STK32B: variants seen among roughly 807,000 people sequenced by gnomAD.
STK32B encodes serine/threonine-protein kinase 32B.
A neutral mutation model predicts 52.6 loss-of-function variants in STK32B; 43 were observed. The observed-to-expected ratio is 0.82, with a 90% CI of 0.64 to 1.05. The LOEUF is 1.05. STK32B is among the 50% of genes least tolerant of loss of function. STK32B has a pLI of 0.00. For missense variants in STK32B, 621 were observed against 534.6 expected, an observed-to-expected ratio of 1.16 and a Z score of -1.59; for synonymous variants, 238 against 204.3, an observed-to-expected ratio of 1.17 and a Z score of -1.41.
At chr4:5,477,070 G>C (rs58088181) in intron 11 of STK32B, among the ~76,000 whole-genome samples, 116 of 152,236 alleles carry the variant, frequency 7.6e-4, no homozygotes, top group African/African-American at 2.7e-3. Context: ...CCAAGTTTGC[G>C]GAAATTTGCT....
chr4:5,350,947 G>T (rs1012495301), intron 4 of STK32B, among the ~76,000 whole-genome samples: 2 of 152,074 alleles, frequency 1.3e-5, no homozygotes, highest in East Asian at 1.9e-4. Flanking sequence ...ACCCAATGGT[G>T]GAGCACCCAG....
chr4:5,317,243 A>ATG (rs1731080597), intron 3 of STK32B, among the ~76,000 whole-genome samples: 1 of 47,416 alleles, frequency 2.1e-5, no homozygotes, highest in Non-Finnish European at 2.9e-5. Flanking sequence ...ACATATATAT[A>ATG]TTATATATAA....
chr4:5,314,584 C>T (rs1254733802), intron 3 of STK32B, among the ~76,000 whole-genome samples: 1 of 152,132 alleles, frequency 6.6e-6, no homozygotes, highest in Non-Finnish European at 1.5e-5. Flanking sequence ...GCAGGAGAAT[C>T]ACTTGAACCC....
At chr4:5,478,471 C>T (rs1057476274) in intron 11 of STK32B, among the ~76,000 whole-genome samples, 2 of 152,172 alleles carry the variant, frequency 1.3e-5, no homozygotes, top group African/African-American at 4.8e-5. Context: ...AACTTTAATG[C>T]TTCTGGCCAA....
intron 3 of STK32B, among the ~76,000 whole-genome samples, chr4:5,175,160 T>C (rs139492007): frequency 0.012 from 1,787 of 152,324 alleles, 34 homozygotes; most frequent in African/African-American, 0.04. Context: ...ATCAGGTCCT[T>C]TAAGGACTTC....
intron 3 of STK32B, among the ~76,000 whole-genome samples, chr4:5,257,243 ATGAT>A (rs771344438): frequency 3.2e-4 from 39 of 121,384 alleles, no homozygotes; most frequent in East Asian, 2.4e-3. Context: ...GAATGAGTGA[ATGAT>A]TGAGTGAATG....
intron 3 of STK32B, among the ~76,000 whole-genome samples, chr4:5,327,245 T>A (rs1019291257): frequency 1.3e-5 from 2 of 151,378 alleles, no homozygotes; most frequent in Non-Finnish European, 2.9e-5. Flanking sequence ...AGAATCCACT[T>A]CTTCCAAACT....
chr4:5,331,864 C>G (rs185475433), intron 4 of STK32B, among the ~76,000 whole-genome samples: 32 of 152,326 alleles, frequency 2.1e-4, no homozygotes, highest in South Asian at 8.3e-4. Flanking sequence ...TTTCTGTAGC[C>G]TCCTCAGGGA....
intron 3 of STK32B, among the ~76,000 whole-genome samples, chr4:5,206,735 A>G (rs2108781345): frequency 6.6e-6 from 1 of 152,312 alleles, no homozygotes; most frequent in East Asian, 1.9e-4. Context: ...GTGAGACAGC[A>G]TCTGCCAGAA....
At chr4:5,203,901 A>G (rs552918858) in intron 3 of STK32B, among the ~76,000 whole-genome samples, 1 of 152,324 alleles carries the variant, frequency 6.6e-6, no homozygotes, top group Admixed American at 6.5e-5. Flanking sequence ...AGGTGGCCCC[A>G]TAGCCAGTGA....
At chr4:5,043,063 G>A in the STK32B span, among the ~76,000 whole-genome samples, 6 of 141,582 alleles carry the variant, frequency 4.2e-5, no homozygotes, top group South Asian at 1.1e-3. Context: ...CCGAGATTGC[G>A]CCACTGCAGT....
At chr4:5,308,254 C>T (rs925472193) in intron 3 of STK32B, among the ~76,000 whole-genome samples, 7 of 152,148 alleles carry the variant, frequency 4.6e-5, no homozygotes, top group Admixed American at 1.3e-4. Flanking sequence ...AGCATCAGTC[C>T]ACTTCCTTGA....
At chr4:5,138,291 C>T (rs1357972619) in intron 1 of STK32B, among the ~76,000 whole-genome samples, 1 of 152,200 alleles carries the variant, frequency 6.6e-6, no homozygotes, top group Non-Finnish European at 1.5e-5. Flanking sequence ...CATAATTATC[C>T]TCCATTGCAT....
intron 2 of STK32B, among the ~76,000 whole-genome samples, chr4:5,167,224 G>A (rs61070762): frequency 0.24 from 36,572 of 151,972 alleles, 4,583 homozygotes; most frequent in East Asian, 0.29. Context: ...TAAGGCAGTC[G>A]CTCAGAAGTC....
intron 3 of STK32B, among the ~76,000 whole-genome samples, chr4:5,240,887 A>G (rs1040873564): frequency 9.9e-5 from 15 of 152,262 alleles, no homozygotes; most frequent in African/African-American, 3.6e-4. Context: ...TGAGCTCACT[A>G]ATCTTTTTAT....
At chr4:5,371,756 T>G (rs115462225) in intron 4 of STK32B, among the ~76,000 whole-genome samples, 1 of 152,256 alleles carries the variant, frequency 6.6e-6, no homozygotes, top group Non-Finnish European at 1.5e-5. Context: ...TAATAAACAG[T>G]GCATCTGTGA....
At chr4:5,031,172 CTTTA>C in the STK32B span, among the ~76,000 whole-genome samples, 9 of 152,078 alleles carry the variant, frequency 5.9e-5, no homozygotes, top group African/African-American at 1.9e-4. Context: ...GTGTCATCTG[CTTTA>C]TTTAAAATGT....
At chr4:5,276,570 G>A (rs190432216) in intron 3 of STK32B, among the ~76,000 whole-genome samples, 3 of 151,930 alleles carry the variant, frequency 2.0e-5, no homozygotes, top group African/African-American at 7.3e-5. Context: ...TCTTTGCTGA[G>A]AAGAAAACCA....
chr4:5,324,229 C>T (rs76422071), intron 3 of STK32B, among the ~76,000 whole-genome samples: 13,253 of 152,144 alleles, frequency 0.087, 603 homozygotes, highest in East Asian at 0.12. Flanking sequence ...TGGCATGGGC[C>T]TGTAATCCCA....
Sources: allele counts gnomAD v4.1 joint callset (sites outside exome capture counted in the v4.1 genomes callset), GRCh38; gene constraint gnomAD v4.1.1; transcripts MANE v1.5; gene names NCBI Gene and HGNC (gene_info 2026-07-23, HGNC 2026-07-21).